Variants in CHI3L2 observed in about 807,000 individuals in gnomAD.
CHI3L2 encodes chitinase 3 like 2.
In CHI3L2, 47 loss-of-function variants were observed where a neutral mutation model predicts 47.3. The ratio of observed to expected loss-of-function variants is 0.99; its 90% CI spans 0.79 to 1.27. The LOEUF (loss-of-function observed/expected upper bound fraction) is 1.27, where lower values mean the gene tolerates loss of function less well. Ranked by LOEUF, CHI3L2 falls within the 50% of genes most tolerant of loss-of-function variation. The pLI is 0.00. For missense variants in CHI3L2, 497 were observed against 462.1 expected (o/e 1.08, Z -0.69); for synonymous variants, 198 against 169.9 (o/e 1.17, Z -1.28).
At chr1:111,236,947 C>T (rs1323703739) in intron 7 of CHI3L2, among the ~76,000 whole-genome samples, 1 of 152,166 alleles carries the variant, frequency 6.6e-6, no homozygotes, top group African/African-American at 2.4e-5. Context: ...GTGGGTTTTT[C>T]TCGCTGTCTT....
intron 6 of CHI3L2, 85 bp from the exon 7 acceptor site, chr1:111,235,939 C>A: frequency 6.4e-7 from 1 of 1,568,932 alleles, no homozygotes; most frequent in Admixed American, 1.7e-5. Context: ...CTTCTAGCAG[C>A]ATCATTCAAA....
chr1:111,230,410 C>T (rs1047966356), intron 2 of CHI3L2, among the ~76,000 whole-genome samples: 2 of 152,146 alleles, frequency 1.3e-5, no homozygotes, highest in Admixed American at 1.3e-4. Context: ...TGAACCACTA[C>T]ACCTGGCTAA....
rs2101560940 is a variant in CHI3L2, at chr1:111,243,356, A to G, written c.*142A>G. On this transcript the variant is annotated 3_prime_UTR_variant, in exon 11 of 11. Transcript: ENST00000369748. ...GCCTTTCCTGACTTCCTCTTAGATC[A>G]TAGATTGGACCTGGTTTTGTTTTCC... 2.4e-6 allele frequency: 1 copy of G among 413,748 alleles called. No individual in the cohort carries two copies. 25.6% of individuals were successfully genotyped at this position (413,748 alleles called of 1,614,324 possible).
At position 111,230,781 on chromosome 1, in the gene CHI3L2, C is replaced by T; in HGVS notation, c.110C>T (p.Ser37Phe). 1 of 1,614,142 alleles carries T rather than the reference C, an allele frequency of 6.2e-7. No homozygotes were observed. The change falls in exon 3 of 11, where the codon TCC (serine) becomes TTC (phenylalanine). Residue 37 changes from serine to phenylalanine, a missense_variant. Transcript: ENST00000369748. ...YKLVCYFTNW[S>F]QDRQEPGKFT... ...CTGGTTTGCTACTTTACCAACTGGT[C>T]CCAGGACCGGCAGGAACCAGGAAAA...
chr1:111,231,065 A>G, intron 3 of CHI3L2, 122 bp downstream of exon 3: 1 of 1,002,974 alleles, frequency 1.0e-6, no homozygotes, highest in Non-Finnish European at 1.5e-6. Flanking sequence ...CTCTGGGTGT[A>G]TTTCTGATCC....
chr1:111,237,602 A>T (rs987648703), intron 7 of CHI3L2, among the ~76,000 whole-genome samples: 6 of 152,158 alleles, frequency 3.9e-5, no homozygotes, highest in Admixed American at 1.3e-4. Flanking sequence ...CCTCTCTATC[A>T]GTTATCTTTA....
chr1:111,236,929 G>C (rs919876496), intron 7 of CHI3L2, among the ~76,000 whole-genome samples: 1 of 152,154 alleles, frequency 6.6e-6, no homozygotes, highest in Admixed American at 6.5e-5. Flanking sequence ...AAATCATAAG[G>C]GTTCAAAGTG....
At chr1:111,237,276 TA>T (rs1659912603) in intron 7 of CHI3L2, among the ~76,000 whole-genome samples, 2 of 152,228 alleles carry the variant, frequency 1.3e-5, no homozygotes, top group Non-Finnish European at 2.9e-5. Context: ...ACCTAGAGAC[TA>T]AATTCCTCCC....
Position 111,230,897 on chromosome 1 carries a change from A to G in CHI3L2, c.226A>G (p.Lys76Glu), listed in dbSNP as rs769070051. 7.4e-5 allele frequency: 119 copies of G among 1,614,068 alleles called. No homozygotes were observed. The highest frequency in any genetic ancestry group is 9.8e-5 in the Non-Finnish European group (116 of 1,180,038). ...IENNKVIIKD[K>E]SEVMLYQTIN... ...AAACAACAAGGTTATCATCAAGGAC[A>G]AGAGTGAAGTGATGCTCTACCAGAC... Residue 76 changes from lysine (K) to glutamate (E), a missense_variant, in exon 3 of 11, where the codon AAG becomes GAG. Lys to Glu is a moderately conservative substitution (Grantham distance 56). Transcript: ENST00000369748.
At chr1:111,238,133 A>G (rs1033802734) in intron 7 of CHI3L2, among the ~76,000 whole-genome samples, 4 of 152,210 alleles carry the variant, frequency 2.6e-5, no homozygotes, top group African/African-American at 9.6e-5. Flanking sequence ...GAGTGAACCA[A>G]TGTACATCTT....
chr1:111,229,703 A>AAAAAAAAAAAAAAAAAAAAAAC (rs1659650260), intron 1 of CHI3L2, 149 bp from the exon 2 acceptor site: 1 of 1,142,710 alleles, frequency 8.8e-7, no homozygotes, highest in African/African-American at 1.7e-5. Context: ...AAAAAAAAAA[A>AAAAAAAAAAAAAAAAAAAAAAC]AAGAAACCAC....
At chr1:111,232,472 T>A (rs542263353) in intron 4 of CHI3L2, among the ~76,000 whole-genome samples, 95 of 152,356 alleles carry the variant, frequency 6.2e-4, no homozygotes, top group African/African-American at 2.3e-3. Flanking sequence ...TTTAGATGCA[T>A]GCAAGCTATG....
At chr1:111,230,592 C>T in intron 2 of CHI3L2, 150 bp from the exon 3 acceptor site, 1 of 650,650 alleles carries the variant, frequency 1.5e-6, no homozygotes, top group Non-Finnish European at 2.7e-6. Context: ...TACTCAAGAG[C>T]CAGCACTAAA....
chr1:111,232,664 T>C (rs951890333), intron 4 of CHI3L2, among the ~76,000 whole-genome samples: 8 of 152,206 alleles, frequency 5.3e-5, no homozygotes, highest in African/African-American at 1.7e-4. Context: ...TATATGATTA[T>C]TGTTGTTATT....
In CHI3L2 at chr1:111,231,289, C is replaced by T. The variant is rs1395399628; in HGVS notation, c.324C>T (p.Ser108=). 6.2e-7 allele frequency: 1 copy of T among 1,607,514 alleles called. No individual in the cohort carries two copies. Among genetic ancestry groups the T allele is most frequent in the African/African-American group, 1.3e-5 (1 of 74,890 alleles). The part of the protein sequence containing the change: ...LLSIGGYLFG[S]KGFHPMVDSS... The stretch of plus-strand genomic sequence containing the variant: ...CCATTGGAGGGTACCTGTTTGGTTC[C>T]AAAGGGTAAGACTACATCTTTATTT... The change falls in exon 4 of 11, where the codon TCC becomes TCT. Residue 108 remains serine, a synonymous_variant. Transcript: ENST00000369748.
At chr1:111,236,209 A>T in intron 7 of CHI3L2, 56 bp downstream of exon 7, 1 of 1,574,082 alleles carries the variant, frequency 6.4e-7, no homozygotes, top group South Asian at 1.1e-5. Context: ...GGCTGGGGAG[A>T]GTCCAGCATG....
Position 111,227,718 on chromosome 1 carries a change from CT to C in CHI3L2, c.-11del. On this transcript the variant is annotated 5_prime_UTR_variant, in exon 1 of 11. Transcript: ENST00000369748. ...TAGAGAATGTGTATCCCAGAAGAAGCTGGCCAAGGATATGGGAGCAACCACC... is the reference window on the plus strand; with the variant it reads ...TAGAGAATGTGTATCCCAGAAGAAGCGGCCAAGGATATGGGAGCAACCACC... 2 of 1,614,030 alleles carry C rather than the reference CT, an allele frequency of 1.2e-6. No individual in the cohort carries two copies. Among genetic ancestry groups the C allele is most frequent in the Non-Finnish European group, 1.7e-6 (2 of 1,179,878 alleles).
rs1349963484 is a variant in CHI3L2, at chr1:111,234,958, C to T, written c.381C>T (p.Ser127=). The T allele has an allele frequency of 6.2e-7, 1 of 1,614,154 alleles. No homozygotes were observed. The highest frequency in any genetic ancestry group is 1.7e-5 in the Admixed American group (1 of 60,036). Residue 127 remains serine, a synonymous_variant, in exon 5 of 11, where the codon TCC becomes TCT. Transcript: ENST00000369748. ...CATCACGCTTGGAATTCATTAACTC[C>T]ATAATCCTGTTTCTGAGGAACCATA... ...SSTSRLEFIN[S]IILFLRNHNF...
Position 111,238,730 on chromosome 1 carries a change from C to T in CHI3L2, c.736-20C>T. On this transcript the variant is annotated intron_variant, in intron 7 of 10. Coordinates refer to ENST00000369748, the MANE Select transcript of CHI3L2 (RefSeq NM_004000.3). ...TTTCTTTCCCCACACTCTGAGCCTC[C>T]ATCTCTCTTCCCATTCTAGGAATAT... The T allele has an allele frequency of 6.2e-7, 1 of 1,612,338 alleles. No individual in the cohort carries two copies. Among genetic ancestry groups the T allele is most frequent in the East Asian group, 2.2e-5 (1 of 44,800 alleles).
Sources: gnomAD v4.1 joint callset for allele counts (sites outside exome capture counted in the v4.1 genomes callset) on GRCh38, gnomAD v4.1.1 for gene constraint, MANE v1.5 for transcripts, NCBI Gene and HGNC (gene_info 2026-07-23, HGNC 2026-07-21) for gene names.